The following RRBP1 variants were observed in gnomAD, a reference collection of about 807,000 sequenced individuals.
The protein encoded by RRBP1 is ribosome-binding protein 1.
RRBP1 carries 94 observed loss-of-function variants against 165.2 expected under a neutral mutation model. The observed-to-expected ratio is 0.57, with a 90% CI of 0.48 to 0.68. The LOEUF is 0.68. Ranked by LOEUF, RRBP1 falls within the 30% of genes least tolerant of loss-of-function variation. The probability of loss-of-function intolerance (pLI) is 0.00; values close to 1 mark genes in which losing one functional copy is unlikely to be tolerated. For synonymous variants in RRBP1, 680 were observed against 714.5 expected, an observed-to-expected ratio of 0.95 and a Z score of 0.77; for missense variants, 1,676 against 1,763.0, an observed-to-expected ratio of 0.95 and a Z score of 0.88.
rs61742496 is a variant in RRBP1 at position 17,624,624 on chromosome 20, C to T, written c.3099G>A (p.Thr1033=). 0.03 allele frequency: 47,757 copies of T among 1,591,866 alleles called. 1,510 individuals are homozygous for T. The highest frequency in any genetic ancestry group is 0.17 in the African/African-American group (12,479 of 74,782). The change falls in exon 13 of 25, where the codon ACG becomes ACA. Residue 1033 remains threonine, a synonymous_variant. Transcript: ENST00000377813. ...GCTTCTCCTTGCAGGCCTGCTCGGC[C>T]GTGGCCAGTGCCTCCATGGCCTTCC... ...KNWKAMEALA[T]AEQACKEKLL... is the part of the protein sequence containing the mutation.
In RRBP1 at chr20:17,615,977, G is replaced by A; in HGVS notation, c.3900C>T (p.Ile1300=). Residue 1300 remains isoleucine (I), a synonymous_variant, in exon 22 of 25, where the codon ATC becomes ATT. Coordinates refer to ENST00000377813, the MANE Select transcript of RRBP1 (RefSeq NM_001365613.2). ...GCCGCTGTGTCTGCTCATCCTCCAG[G>A]ATGGCTTCTGTCCACTCCAGCTGCG... The part of the protein sequence containing the change: ...LKTQLEWTEA[I]LEDEQTQRQK... 1 of 1,608,782 alleles carries A rather than the reference G, an allele frequency of 6.2e-7. No individual in the cohort carries two copies. The highest frequency in any genetic ancestry group is 8.5e-7 in the Non-Finnish European group (1 of 1,179,914).
chr20:17,631,253 G>A (rs1055942388), intron 8 of RRBP1, among the ~76,000 whole-genome samples: 3 of 152,234 alleles, frequency 2.0e-5, no homozygotes, highest in Admixed American at 1.3e-4. Flanking sequence ...CCTCTGCCTC[G>A]ACCAGGATAC....
chr20:17,643,852 C>T lies in RRBP1; in HGVS notation c.1913-725G>A, dbSNP rs1287851044. Among the ~76,000 whole-genome samples the T allele has an allele frequency of 1.3e-5, 2 of 152,138 alleles. No homozygotes were observed. The highest frequency in any genetic ancestry group is 1.3e-4 in the Admixed American group (2 of 15,270). On this transcript the variant is annotated intron_variant, in intron 3 of 24. Coordinates refer to ENST00000377813, the MANE Select transcript of RRBP1 (RefSeq NM_001365613.2). The surrounding 1 kb of genome is among the most constrained non-coding windows in gnomAD (Gnocchi z 4.3). ...CGTCACTTCTGAAAAACTAAAACTG[C>T]CGACACCCCCCACGCCCCTCCCCAC...
intron 5 of RRBP1, 43 bp from the exon 6 acceptor site, chr20:17,636,772 G>C: frequency 6.2e-7 from 1 of 1,608,882 alleles, no homozygotes. Context: ...AAGCCTTGCA[G>C]GGCAGGAGCC....
At chr20:17,662,136 G>T (rs549994394) in intron 2 of RRBP1, among the ~76,000 whole-genome samples, 2 of 152,038 alleles carry the variant, frequency 1.3e-5, no homozygotes, top group South Asian at 4.1e-4. Context: ...GGCGGCGGGT[G>T]CCTGTAGTCC....
In RRBP1 at chr20:17,658,881, C is replaced by A. The variant is rs375628414; in HGVS notation, c.1627G>T (p.Ala543Ser). ...TCTGCCTTTTTGCCCTGGATGGGAG[C>A]TCCCTCTCCTTTTTTGCCTTGGTTG... Reference protein sequence around the residue: ...SPNQGKKGEGAPIQGKKADSV... With the variant: ...SPNQGKKGEGSPIQGKKADSV... Residue 543 changes from alanine (A) to serine (S), a missense_variant, in exon 3 of 25, where the codon GCT becomes TCT. Coordinates refer to ENST00000377813, the MANE Select transcript of RRBP1 (RefSeq NM_001365613.2). 1.9e-6 allele frequency: 3 copies of A among 1,613,676 alleles called. No homozygotes were observed. Among genetic ancestry groups the A allele is most frequent in the South Asian group, 2.2e-5 (2 of 91,082 alleles).
chr20:17,641,119 G>A (rs570907073), intron 5 of RRBP1, among the ~76,000 whole-genome samples: 1 of 152,244 alleles, frequency 6.6e-6, no homozygotes, highest in Non-Finnish European at 1.5e-5. Context: ...CCCACCCTCA[G>A]CAGCAGAGAG....
chr20:17,630,454 T>G (rs1033097821), intron 8 of RRBP1, among the ~76,000 whole-genome samples: 3 of 152,228 alleles, frequency 2.0e-5, no homozygotes, highest in African/African-American at 7.2e-5. Context: ...CACGTGAAAT[T>G]GTCAGTGTTT....
At chr20:17,629,156 T>C (rs78032426) in intron 9 of RRBP1, among the ~76,000 whole-genome samples, 16,397 of 152,322 alleles carry the variant, frequency 0.11, 1,152 homozygotes, top group African/African-American at 0.19. Context: ...ATCCTGTCCT[T>C]GCAGGTGACT....
rs6034872 is a variant in RRBP1, at chr20:17,636,697, G to A, written c.2217C>T (p.Ala739=). ...EMAAEKAKAA[A]GEAKVKKQLV... is the part of the protein sequence containing the mutation. ...GCTGCTTTTTCACTTTGGCCTCCCCGGCTGCTGCTTTGGCCTTTTCTGCTG... is the reference window on the plus strand; with the variant it reads ...GCTGCTTTTTCACTTTGGCCTCCCCAGCTGCTGCTTTGGCCTTTTCTGCTG... Residue 739 remains alanine (A), a synonymous_variant, in exon 6 of 25, where the codon GCC becomes GCT. Transcript: ENST00000377813. The A allele has an allele frequency of 1.2e-3, 1,894 of 1,613,176 alleles. 26 individuals carry two copies. In the African/African-American group the frequency reaches 0.022, roughly 19 times the overall value.
intron 20 of RRBP1, among the ~76,000 whole-genome samples, chr20:17,617,454 C>T (rs6080748): frequency 0.011 from 1,612 of 152,328 alleles, 23 homozygotes; most frequent in Non-Finnish European, 0.015. Context: ...TCTGACCCTG[C>T]GCTGAGGGGC....
intron 5 of RRBP1, 167 bp downstream of exon 5, chr20:17,641,630 G>T: frequency 3.7e-6 from 3 of 819,322 alleles, no homozygotes; most frequent in Non-Finnish European, 5.9e-6. Flanking sequence ...GCCGGCCCTT[G>T]GCTCTTTAGG....
rs2036232187 is a variant in RRBP1 at position 17,635,569 on chromosome 20, C to T, written c.2433G>A (p.Gln811=). 3 of 1,612,070 alleles carry T rather than the reference C, an allele frequency of 1.9e-6. No homozygotes were observed. The highest frequency in any genetic ancestry group is 2.5e-6 in the Non-Finnish European group (3 of 1,179,480). Residue 811 remains glutamine, a synonymous_variant, in exon 7 of 25, where the codon CAG becomes CAA. Transcript: ENST00000377813. ...ACTTGCTCTCCACCTGGCTCGTGGC[C>T]TGGTTCAAGGCATCCCGCAGGATGG... ...ENSILRDALN[Q]ATSQVESKQN...
chr20:17,632,791 AGGCAAGGCCTCTGGGCT>A (rs1314672627), intron 8 of RRBP1, among the ~76,000 whole-genome samples: 2 of 152,186 alleles, frequency 1.3e-5, no homozygotes, highest in Non-Finnish European at 2.9e-5. Flanking sequence ...GGAATTCATC[AGGCAAGGCCTCTGGGCT>A]GGGAAAACAT....
intron 7 of RRBP1, 32 bp downstream of exon 7, chr20:17,635,514 G>A: frequency 1.3e-6 from 2 of 1,518,832 alleles, no homozygotes; most frequent in Non-Finnish European, 1.8e-6. Flanking sequence ...AGGGCCCTTG[G>A]GGAGGTGCTG....
chr20:17,676,488 A>G (rs1199632220), intron 2 of RRBP1, among the ~76,000 whole-genome samples: 1 of 152,182 alleles, frequency 6.6e-6, no homozygotes, highest in Non-Finnish European at 1.5e-5. Context: ...AGAACACCCA[A>G]CCAGTGCTTC....
At chr20:17,618,464 G>C in intron 20 of RRBP1, 132 bp downstream of exon 20, 1 of 768,970 alleles carries the variant, frequency 1.3e-6, no homozygotes, top group East Asian at 2.6e-5. Context: ...GCCCCATGCT[G>C]CTCAACGGGT....
rs778594533 is a variant in RRBP1, at chr20:17,619,678, C to T, written c.3630G>A (p.Ala1210=). ...HLEAELEKHM[A]AASAECQNYA... Reference sequence around the variant, plus strand: ...AGTTCTGGCACTCGGCGCTGGCGGCCGCCATGTGCTTTTCCAGCTCTGCCT... The same window carrying T: ...AGTTCTGGCACTCGGCGCTGGCGGCTGCCATGTGCTTTTCCAGCTCTGCCT... Residue 1210 remains alanine, a synonymous_variant, in exon 19 of 25, where the codon GCG becomes GCA. Coordinates refer to ENST00000377813, the MANE Select transcript of RRBP1 (RefSeq NM_001365613.2). The T allele has an allele frequency of 3.0e-5, 48 of 1,612,960 alleles. 1 individual carries two copies. The highest frequency in any genetic ancestry group is 1.9e-4 in the South Asian group (17 of 91,002).
chr20:17,656,916 A>G (rs2036654835), intron 3 of RRBP1, among the ~76,000 whole-genome samples: 1 of 152,216 alleles, frequency 6.6e-6, no homozygotes, highest in African/African-American at 2.4e-5. Flanking sequence ...TGTTACGTTC[A>G]CAGAGGTCAC....
Sources: allele counts gnomAD v4.1 joint callset (sites outside exome capture counted in the v4.1 genomes callset), GRCh38; gene constraint gnomAD v4.1.1; non-coding constraint Gnocchi (gnomAD v3.1); transcripts MANE v1.5; gene names NCBI Gene and HGNC (gene_info 2026-07-23, HGNC 2026-07-21).